The following WDR64 variants were observed in gnomAD, a reference collection of about 807,000 sequenced individuals.
The protein encoded by WDR64 is WD repeat domain 64, also known as WD repeat-containing protein 64.
A neutral mutation model predicts 139.3 loss-of-function variants in WDR64; 112 were observed. That is an observed-to-expected ratio of 0.80 (90% confidence interval 0.69 to 0.94). The LOEUF (loss-of-function observed/expected upper bound fraction) is 0.94, where lower values mean the gene tolerates loss of function less well. Among genes scored for constraint, WDR64 ranks in the 40% least tolerant of loss-of-function variants. The pLI, the probability that WDR64 is intolerant of heterozygous loss-of-function variation, is 0.00. For synonymous variants in WDR64, 444 were observed against 437.7 expected, an observed-to-expected ratio of 1.01 and a Z score of -0.18; for missense variants, 1,206 against 1,293.1, an observed-to-expected ratio of 0.93 and a Z score of 1.03.
chr1:241,741,642 T>C lies in WDR64; in HGVS notation c.1448T>C (p.Ile483Thr). The C allele has an allele frequency of 6.2e-7, 1 of 1,611,498 alleles. No individual in the cohort carries two copies. The highest frequency in any genetic ancestry group is 1.7e-4 in the Middle Eastern group (1 of 6,048). ...AAATATTTTCATCAAGTACTCACTA[T>C]CTGCTCTGAATCCATAATTAGGGTA... ...YNKYFHQVLT[I>T]CSESIIRVWE... The change falls in exon 12 of 28, where the codon ATC becomes ACC. Residue 483 changes from isoleucine (I) to threonine (T), a missense_variant. Transcript: ENST00000437684.
intron 4 of WDR64, among the ~76,000 whole-genome samples, chr1:241,675,298 CTCTTCTTCCCTCCTCCCTTCCTT>C (rs1666508773): frequency 1.4e-5 from 2 of 139,494 alleles, no homozygotes; most frequent in South Asian, 2.4e-4. Context: ...CTCCCCTCCT[CTCTTCTTCCCTCCTCCCTTCCTT>C]TTCTCTTTTT....
chr1:241,785,350 A>T (rs1203008891), intron 23 of WDR64, among the ~76,000 whole-genome samples: 1 of 152,216 alleles, frequency 6.6e-6, no homozygotes. Flanking sequence ...TCTCTGCTTC[A>T]TAAATGATGC....
chr1:241,753,931 T>C (rs536317349), intron 14 of WDR64, among the ~76,000 whole-genome samples: 13 of 151,842 alleles, frequency 8.6e-5, no homozygotes, highest in Non-Finnish European at 1.9e-4. Context: ...AAATTAAAAA[T>C]AAAAGCTTGT....
At chr1:241,686,855 G>A (rs1667023579) in intron 7 of WDR64, among the ~76,000 whole-genome samples, 2 of 152,228 alleles carry the variant, frequency 1.3e-5, no homozygotes, top group South Asian at 4.1e-4. Context: ...GCTCCATTTG[G>A]ATCATTAGAA....
intron 8 of WDR64, 144 bp from the exon 9 acceptor site, chr1:241,711,658 A>C: frequency 2.8e-6 from 2 of 715,772 alleles, no homozygotes; most frequent in South Asian, 1.8e-5. Context: ...ATTACGACTT[A>C]ATCATTACTT....
chr1:241,654,325 T>C lies in WDR64; in HGVS notation c.145+1696T>C, dbSNP rs1665490506. Among the ~76,000 whole-genome samples the C allele has an allele frequency of 2.0e-5, 3 of 152,246 alleles. 1 individual carries two copies. The South Asian group carries it at 6.2e-4, about 31-fold the overall frequency. On this transcript the variant is annotated intron_variant, in intron 1 of 27. Coordinates refer to ENST00000437684, the MANE Select transcript of WDR64 (RefSeq NM_001367482.1). ...TCCTTTCCTTCTCCACTGAATTTCC[T>C]GACAATATCACCACTTAACTTTCAA...
At position 241,671,146 on chromosome 1, in the gene WDR64, G is replaced by T; in HGVS notation, c.349G>T (p.Val117Leu). 1.3e-6 allele frequency: 2 copies of T among 1,550,722 alleles called. No homozygotes were observed. The highest frequency in any genetic ancestry group is 1.7e-6 in the Non-Finnish European group (2 of 1,146,616). The change falls in exon 3 of 28, where the codon GTG becomes TTG. Residue 117 changes from valine (V) to leucine (L), a missense_variant. Physicochemically the swap from Val to Leu is conservative, Grantham distance 32 (BLOSUM62 1). Transcript: ENST00000437684. Reference sequence around the variant, plus strand: ...GGATGAAGAAAATTTGGTTTTCTTTGTGTCTAGAAAAAGGCGAATTTTAAT... The same window carrying T: ...GGATGAAGAAAATTTGGTTTTCTTTTTGTCTAGAAAAAGGCGAATTTTAAT... ...QLDEENLVFFVSRKRRILISG... is the reference protein window; with the variant it reads ...QLDEENLVFFLSRKRRILISG...
chr1:241,798,360 GA>G (rs1390060177), intron 27 of WDR64, among the ~76,000 whole-genome samples: 2 of 152,142 alleles, frequency 1.3e-5, no homozygotes, highest in African/African-American at 4.8e-5. Context: ...GTGTGGCCAG[GA>G]GGTCAAAATT....
chr1:241,788,087 A>AT, intron 24 of WDR64, 53 bp downstream of exon 24: 7 of 1,471,180 alleles, frequency 4.8e-6, no homozygotes, highest in Middle Eastern at 2.4e-4. Flanking sequence ...AACTGTTGAG[A>AT]TGCTGTGGCA....
At position 241,703,225 on chromosome 1, in the gene WDR64, A is replaced by G. The variant is rs1478052272; in HGVS notation, c.975-8577A>G. On this transcript the variant is annotated intron_variant, in intron 8 of 27. Coordinates refer to ENST00000437684, the MANE Select transcript of WDR64 (RefSeq NM_001367482.1). The surrounding 1 kb of genome is among the most constrained non-coding windows in gnomAD (Gnocchi z 5.9). ...ACTCAGTAGCCCTGCTTCTTTAGCA[A>G]TCACACAGTTCCCCTGGGATGCTTC... is the stretch of plus-strand genomic sequence containing the variant. 6.6e-6 allele frequency among the ~76,000 whole-genome samples: 1 copy of G among 152,162 alleles called. No homozygotes were observed. Among genetic ancestry groups the G allele is most frequent in the Non-Finnish European group, 1.5e-5 (1 of 68,014 alleles).
intron 14 of WDR64, among the ~76,000 whole-genome samples, chr1:241,756,044 G>T (rs1670177091): frequency 6.6e-6 from 1 of 152,060 alleles, no homozygotes; most frequent in South Asian, 2.1e-4. Flanking sequence ...TGGCTATACG[G>T]GCTCTTTTTT....
rs139940659 is a variant in WDR64 at position 241,663,481 on chromosome 1, C to A, written c.276+2821C>A. Reference sequence around the variant, plus strand: ...GGTGTACACACCAGTGGTGTGCAACCCACCCTCATATGGTGGATAAGAGGC... The same window carrying A: ...GGTGTACACACCAGTGGTGTGCAACACACCCTCATATGGTGGATAAGAGGC... On this transcript the variant is annotated intron_variant, in intron 2 of 27. Coordinates refer to ENST00000437684, the MANE Select transcript of WDR64 (RefSeq NM_001367482.1). Among the ~76,000 whole-genome samples, 880 of 152,314 alleles carry A rather than the reference C, an allele frequency of 5.8e-3. 13 individuals carry two copies. Among genetic ancestry groups the A allele is most frequent in the Admixed American group, 0.032 (492 of 15,300 alleles).
At chr1:241,700,178 T>A (rs1553367406) in intron 8 of WDR64, among the ~76,000 whole-genome samples, 2 of 150,200 alleles carry the variant, frequency 1.3e-5, no homozygotes, top group Non-Finnish European at 1.5e-5. Context: ...CTTTTTTTTT[T>A]ATCCTTAACA....
intron 2 of WDR64, among the ~76,000 whole-genome samples, chr1:241,666,027 A>C (rs548755985): frequency 6.6e-6 from 1 of 152,160 alleles, no homozygotes; most frequent in Admixed American, 6.5e-5. Context: ...TATTTTCTCC[A>C]TATGTTCTAC....
rs1000212155 is a variant in WDR64 at position 241,674,724 on chromosome 1, T to A, written c.460T>A (p.Leu154Ile). The A allele has an allele frequency of 3.2e-6, 5 of 1,547,246 alleles. No homozygotes were observed. The highest frequency in any genetic ancestry group is 3.5e-6 in the Non-Finnish European group (4 of 1,144,114). Reference protein sequence around the residue: ...DLLITATQKGLITVFNNQMRV... With the variant: ...DLLITATQKGIITVFNNQMRV... Reference sequence around the variant, plus strand: ...ACTAATAACAGCTACTCAGAAAGGATTAATAACAGTTTTTAATAACCAGGT... The same window carrying A: ...ACTAATAACAGCTACTCAGAAAGGAATAATAACAGTTTTTAATAACCAGGT... Residue 154 changes from leucine to isoleucine, a missense_variant, in exon 4 of 28, where the codon TTA becomes ATA. Physicochemically the swap from Leu to Ile is conservative, Grantham distance 5. Coordinates refer to ENST00000437684, the MANE Select transcript of WDR64 (RefSeq NM_001367482.1).
rs565313900 is a variant in WDR64 at position 241,738,792 on chromosome 1, G to T, written c.1321+303G>T. Among the ~76,000 whole-genome samples the T allele has an allele frequency of 1.3e-3, 194 of 152,264 alleles. 4 individuals are homozygous for T. The South Asian group carries it at 0.014, about 11-fold the overall frequency. On this transcript the variant is annotated intron_variant, in intron 11 of 27. Coordinates refer to ENST00000437684, the MANE Select transcript of WDR64 (RefSeq NM_001367482.1). ...TATAGTTATCATTCCTCCCTGAAAGGATAGTTTTAATAATCTGAAAACACC... is the reference window on the plus strand; with the variant it reads ...TATAGTTATCATTCCTCCCTGAAAGTATAGTTTTAATAATCTGAAAACACC...
At chr1:241,725,272 A>G (rs1183661429) in intron 10 of WDR64, among the ~76,000 whole-genome samples, 1 of 152,096 alleles carries the variant, frequency 6.6e-6, no homozygotes, top group African/African-American at 2.4e-5. Flanking sequence ...AGGATGCTCA[A>G]TGCACTATTG....
At chr1:241,783,842 G>A (rs1317708026) in intron 23 of WDR64, among the ~76,000 whole-genome samples, 15 of 152,088 alleles carry the variant, frequency 9.9e-5, no homozygotes, top group Admixed American at 7.9e-4. Context: ...CCTAGATAAT[G>A]CTAAGTACCT....
intron 20 of WDR64, among the ~76,000 whole-genome samples, chr1:241,774,743 G>T (rs938469802): frequency 1.3e-5 from 2 of 151,998 alleles, no homozygotes; most frequent in Non-Finnish European, 2.9e-5. Flanking sequence ...ATGCCTGTTT[G>T]AGTTAAATTA....
Sources: gnomAD v4.1 joint callset for allele counts (sites outside exome capture counted in the v4.1 genomes callset) on GRCh38, gnomAD v4.1.1 for gene constraint, Gnocchi (gnomAD v3.1) non-coding constraint, MANE v1.5 for transcripts, NCBI Gene and HGNC (gene_info 2026-07-23, HGNC 2026-07-21) for gene names.